TMEM167A: variants seen among roughly 807,000 people sequenced by gnomAD.
TMEM167A encodes protein kish-A.
In TMEM167A, 8 loss-of-function variants were observed where a neutral mutation model predicts 11.6. The observed-to-expected ratio is 0.69, with a 90% confidence interval of 0.40 to 1.24. The LOEUF is 1.24. TMEM167A is among the 50% of genes most tolerant of loss of function. TMEM167A has a pLI of 0.01. For synonymous variants in TMEM167A, 22 were observed against 28.0 expected, an observed-to-expected ratio of 0.79 and a Z score of 0.67; for missense variants, 62 against 87.0, an observed-to-expected ratio of 0.71 and a Z score of 1.14.
intron 3 of TMEM167A, among the ~76,000 whole-genome samples, chr5:83,058,097 C>T (rs1263019461): frequency 1.3e-5 from 2 of 152,066 alleles, no homozygotes. Context: ...TGTGCTTTTC[C>T]ATGATGTTTA....
chr5:83,062,845 G>A (rs1744426124), intron 2 of TMEM167A, among the ~76,000 whole-genome samples: 2 of 147,716 alleles, frequency 1.4e-5, no homozygotes, highest in African/African-American at 2.6e-5. Context: ...AAAATTTATA[G>A]TATACTTTTT....
rs1192571532 is a variant in TMEM167A at position 83,054,633 on chromosome 5, T to C, written c.*2451A>G. The C allele has an allele frequency of 3.3e-5, 5 of 151,884 alleles. No homozygotes were observed. The East Asian group carries it at 9.7e-4, about 29-fold the overall frequency. The allele number at this position is 151,884 out of a possible 1,614,324, so 9.4% of individuals were successfully genotyped here. A position where few individuals can be genotyped will look rare whatever the true frequency, so the allele number is the denominator to read the frequency against. On this transcript the variant is annotated 3_prime_UTR_variant, in exon 4 of 4. Transcript: ENST00000502346. ...TCATTTAGAAGTAGGAGCTAAATGA[T>C]GAGAACTCAAGGACACAAAGAAAGG...
chr5:83,069,230 C>T (rs6883129), intron 1 of TMEM167A, among the ~76,000 whole-genome samples: 405 of 152,160 alleles, frequency 2.7e-3, no homozygotes, highest in African/African-American at 9.0e-3. Context: ...TTCTAACTTA[C>T]GGACATTAGC....
rs982161999 is a variant in TMEM167A at position 83,053,524 on chromosome 5, A to G, written c.*3560T>C. The G allele has an allele frequency of 6.6e-6, 1 of 152,028 alleles. No homozygotes were observed. The highest frequency in any genetic ancestry group is 1.5e-5 in the Non-Finnish European group (1 of 67,948). The allele number at this position is 152,028 out of a possible 1,614,324, so 9.4% of individuals were successfully genotyped here. ...TGAATATATTCAACCTTCTTTGCAC[A>G]TACACCAAGGAAGAATTTAAATTTC... is the stretch of plus-strand genomic sequence containing the variant. On this transcript the variant is annotated 3_prime_UTR_variant, in exon 4 of 4. Coordinates refer to ENST00000502346, the MANE Select transcript of TMEM167A (RefSeq NM_174909.5).
chr5:83,077,036 A>G (rs145668600), intron 1 of TMEM167A, among the ~76,000 whole-genome samples: 37 of 152,390 alleles, frequency 2.4e-4, no homozygotes, highest in African/African-American at 8.7e-4. Context: ...GTCAATGACC[A>G]CACATAATCT....
chr5:83,073,088 A>C (rs571498404), intron 1 of TMEM167A, among the ~76,000 whole-genome samples: 1 of 152,222 alleles, frequency 6.6e-6, no homozygotes, highest in Non-Finnish European at 1.5e-5. Flanking sequence ...GCATAGTTGA[A>C]AGGGCACAGC....
intron 1 of TMEM167A, among the ~76,000 whole-genome samples, chr5:83,072,039 G>T (rs1744569928): frequency 6.6e-6 from 1 of 152,138 alleles, no homozygotes; most frequent in Non-Finnish European, 1.5e-5. Context: ...AACTTTCATG[G>T]ATATGATGAG....
chr5:83,077,162 T>C (rs1744693390), intron 1 of TMEM167A, among the ~76,000 whole-genome samples, 159 bp downstream of exon 1: 1 of 152,178 alleles, frequency 6.6e-6, no homozygotes, highest in South Asian at 2.1e-4. Flanking sequence ...GGACAGTCCG[T>C]CCTGATTCTC....
At chr5:83,072,489 T>C (rs994972705) in intron 1 of TMEM167A, among the ~76,000 whole-genome samples, 3 of 152,182 alleles carry the variant, frequency 2.0e-5, no homozygotes, top group African/African-American at 7.2e-5. Flanking sequence ...CCCAGAAATT[T>C]GGATTTAACT....
In TMEM167A at chr5:83,067,671, A is replaced by C. The variant is rs186467022; in HGVS notation, c.4-2554T>G. 3.6e-3 allele frequency among the ~76,000 whole-genome samples: 547 copies of C among 150,782 alleles called. 5 individuals carry two copies. Among genetic ancestry groups the C allele is most frequent in the African/African-American group, 0.013 (520 of 40,306 alleles). ...AGTCATGCTCCACTACGCCTGGCTAAATTTTGTATTTTTTTTTTTTTAGTA... is the reference window on the plus strand; with the variant it reads ...AGTCATGCTCCACTACGCCTGGCTACATTTTGTATTTTTTTTTTTTTAGTA... On this transcript the variant is annotated intron_variant, in intron 1 of 3. Transcript: ENST00000502346.
At chr5:83,073,160 T>C (rs1580178694) in intron 1 of TMEM167A, among the ~76,000 whole-genome samples, 2 of 152,210 alleles carry the variant, frequency 1.3e-5, no homozygotes, top group Admixed American at 6.5e-5. Context: ...AGTGTGATGT[T>C]GGGCAAGACA....
At chr5:83,067,765 G>C (rs1172906567) in intron 1 of TMEM167A, among the ~76,000 whole-genome samples, 1 of 151,848 alleles carries the variant, frequency 6.6e-6, no homozygotes, top group East Asian at 1.9e-4. Context: ...TGCCCACCTT[G>C]GCCTCCTAAA....
chr5:83,072,324 AAG>A (rs1744574139), intron 1 of TMEM167A, among the ~76,000 whole-genome samples: 1 of 152,220 alleles, frequency 6.6e-6, no homozygotes, highest in African/African-American at 2.4e-5. Context: ...AAGGTTGGAC[AAG>A]AGACAGTATT....
chr5:83,067,249 C>CAAACA (rs1554050735), intron 1 of TMEM167A, among the ~76,000 whole-genome samples: 3 of 151,194 alleles, frequency 2.0e-5, no homozygotes, highest in South Asian at 2.1e-4. Context: ...ATCTTAAAAA[C>CAAACA]AAAAAAATGG....
chr5:83,061,831 C>T (rs1459888303), intron 3 of TMEM167A, 46 bp downstream of exon 3: 9 of 1,536,008 alleles, frequency 5.9e-6, no homozygotes, highest in Non-Finnish European at 8.1e-6. Flanking sequence ...GTAAATTGGT[C>T]AACAATTTAC....
At chr5:83,071,609 G>A (rs1211022483) in intron 1 of TMEM167A, among the ~76,000 whole-genome samples, 1 of 152,132 alleles carries the variant, frequency 6.6e-6, no homozygotes, top group East Asian at 1.9e-4. Flanking sequence ...CCCAAAAAAA[G>A]TGACCAGAAT....
At chr5:83,077,293 A>C in intron 1 of TMEM167A, 28 bp downstream of exon 1, 1 of 1,614,172 alleles carries the variant, frequency 6.2e-7, no homozygotes, top group Non-Finnish European at 8.5e-7. Flanking sequence ...TCGAAGATCA[A>C]CCGCGACCTG....
Position 83,053,329 on chromosome 5 carries a change from T to TGCA in TMEM167A, c.*3752_*3754dup, listed in dbSNP as rs1374074974. The TGCA allele has an allele frequency of 1.3e-5, 2 of 151,958 alleles. No homozygotes were observed. Among genetic ancestry groups the TGCA allele is most frequent in the African/African-American group, 2.4e-5 (1 of 41,418 alleles). The allele number at this position is 151,958 out of a possible 1,614,324, so 9.4% of individuals were successfully genotyped here. A position where few individuals can be genotyped will look rare whatever the true frequency, so the allele number is the denominator to read the frequency against. ...TAAATGCAACCATCACTGCTTCTTG[T>TGCA]GCAGGTGTGTGCTTTAACAATCAGG... On this transcript the variant is annotated 3_prime_UTR_variant, in exon 4 of 4. Transcript: ENST00000502346.
intron 1 of TMEM167A, among the ~76,000 whole-genome samples, chr5:83,076,260 G>C (rs1744657683): frequency 6.6e-6 from 1 of 152,092 alleles, no homozygotes; most frequent in South Asian, 2.1e-4. Context: ...AAAAGAGCCT[G>C]GTACATAGGA....
Sources: allele counts gnomAD v4.1 joint callset (sites outside exome capture counted in the v4.1 genomes callset), GRCh38; gene constraint gnomAD v4.1.1; transcripts MANE v1.5; gene names NCBI Gene and HGNC (gene_info 2026-07-23, HGNC 2026-07-21).